DCUN1D1: variants seen among roughly 807,000 people sequenced by gnomAD.
The protein encoded by DCUN1D1 is DCN1-like protein 1.
In DCUN1D1, 3 loss-of-function variants were observed where a neutral mutation model predicts 39.0. The ratio of observed to expected loss-of-function variants is 0.08; its 90% CI spans 0.04 to 0.20. The LOEUF is 0.20. DCUN1D1 is among the 10% of genes least tolerant of loss of function. The pLI is 1.00. For synonymous variants in DCUN1D1, 82 were observed against 96.3 expected (o/e 0.85, Z 0.87); for missense variants, 158 against 302.4 (o/e 0.52, Z 3.54).
chr3:182,939,805 G>C lies in DCUN1D1; in HGVS notation c.*5289C>G, dbSNP rs932153282. ...TTACTAAAAACAATTAATTGTACAT[G>C]TACAATGGGTGAATTTTACAGTGTG... On this transcript the variant is annotated 3_prime_UTR_variant, in exon 7 of 7. Coordinates refer to ENST00000292782, the MANE Select transcript of DCUN1D1 (RefSeq NM_020640.4). 1 of 152,118 alleles carries C rather than the reference G, an allele frequency of 6.6e-6. No homozygotes were observed. The highest frequency in any genetic ancestry group is 2.4e-5 in the African/African-American group (1 of 41,426). 9.4% of individuals were successfully genotyped at this position (152,118 alleles called of 1,614,324 possible). A position where few individuals can be genotyped will look rare whatever the true frequency, so the allele number is the denominator to read the frequency against.
Position 182,945,708 on chromosome 3 carries a change from T to C in DCUN1D1, c.701-535A>G, listed in dbSNP as rs118057477. 9.0e-3 allele frequency among the ~76,000 whole-genome samples: 1,373 copies of C among 152,320 alleles called. 51 individuals carry two copies. The East Asian group carries it at 0.13, about 15-fold the overall frequency. On this transcript the variant is annotated intron_variant, in intron 6 of 6. Coordinates refer to ENST00000292782, the MANE Select transcript of DCUN1D1 (RefSeq NM_020640.4). ...AGGAGAAACAAGTTTTCAAGCATTC[T>C]GTGGCCATCTCACAAAGGAGATTAA...
chr3:182,979,600 T>C (rs1201392611), intron 1 of DCUN1D1, among the ~76,000 whole-genome samples: 22 of 137,106 alleles, frequency 1.6e-4, no homozygotes, highest in East Asian at 6.4e-4. Flanking sequence ...GAGGACTTTT[T>C]CCCCCCCCCA....
intron 1 of DCUN1D1, among the ~76,000 whole-genome samples, chr3:182,972,739 TAAC>T (rs1728006474): frequency 6.6e-6 from 1 of 151,652 alleles, no homozygotes. Flanking sequence ...CACCCAGTCT[TAAC>T]AACAACAAAA....
chr3:182,963,977 G>C lies in DCUN1D1; in HGVS notation c.293C>G (p.Ala98Gly). 1 of 1,613,974 alleles carries C rather than the reference G, an allele frequency of 6.2e-7. No individual in the cohort carries two copies. Among genetic ancestry groups the C allele is most frequent in the Non-Finnish European group, 8.5e-7 (1 of 1,179,910 alleles). The stretch of plus-strand genomic sequence containing the variant: ...CGCAATAATCAACACACTAATGCTG[G>C]CTGGATCGAGTGCCAGGTCATCACA... Reference protein sequence around the residue: ...QFCDDLALDPASISVLIIAWK... With the variant: ...QFCDDLALDPGSISVLIIAWK... Residue 98 changes from alanine to glycine, a missense_variant, in exon 3 of 7, where the codon GCC becomes GGC. Physicochemically the swap from Ala to Gly is moderately conservative, Grantham distance 60. Transcript: ENST00000292782.
rs181787458 is a variant in DCUN1D1 at position 182,958,654 on chromosome 3, A to C, written c.520+2572T>G. 1.7e-3 allele frequency among the ~76,000 whole-genome samples: 259 copies of C among 152,302 alleles called. 2 individuals are homozygous for C. Among genetic ancestry groups the C allele is most frequent in the African/African-American group, 5.9e-3 (245 of 41,580 alleles). On this transcript the variant is annotated intron_variant, in intron 4 of 6. Transcript: ENST00000292782. ...TCATCTTATGAAACAAAAACTCTAC[A>C]TCCTTTAAATATTACATTTTTTCTT...
intron 1 of DCUN1D1, among the ~76,000 whole-genome samples, chr3:182,979,403 A>T (rs552250321): frequency 6.6e-6 from 1 of 152,268 alleles, no homozygotes; most frequent in East Asian, 1.9e-4. Context: ...AGAGGCCTTT[A>T]TGTTCCCCAC....
chr3:182,983,494 T>C (rs1728625019), upstream of DCUN1D1, among the ~76,000 whole-genome samples: 1 of 152,194 alleles, frequency 6.6e-6, no homozygotes, highest in South Asian at 2.1e-4. Context: ...GGCGGGCAGA[T>C]AACTTAAGTT....
intron 1 of DCUN1D1, among the ~76,000 whole-genome samples, chr3:182,975,966 T>C (rs1161599606): frequency 6.6e-6 from 1 of 152,070 alleles, no homozygotes; most frequent in Admixed American, 6.5e-5. Context: ...TCGATAAATG[T>C]TAATTTCGTT....
chr3:182,980,965 A>G (rs1728524032), upstream of DCUN1D1: 1 of 152,046 alleles, frequency 6.6e-6, no homozygotes, highest in Non-Finnish European at 1.5e-5. Context: ...AGCTTCATCC[A>G]TCCCAGACCT....
At chr3:182,985,821 C>A (rs1203055311) in exon 1 of DCUN1D1, 1 of 152,092 alleles carries the variant, frequency 6.6e-6, no homozygotes. Flanking sequence ...GAATATTCAC[C>A]AGAGCCAGTC....
intron 2 of DCUN1D1, among the ~76,000 whole-genome samples, chr3:182,965,219 T>C (rs552793929): frequency 2.6e-5 from 4 of 152,232 alleles, no homozygotes; most frequent in Non-Finnish European, 5.9e-5. Context: ...CATTACTTTA[T>C]AATTCTTTAA....
At chr3:182,945,261 C>G in intron 6 of DCUN1D1, 88 bp from the exon 7 acceptor site, 1 of 997,548 alleles carries the variant, frequency 1.0e-6, no homozygotes, top group Non-Finnish European at 1.5e-6. Context: ...TTTTTTAAGA[C>G]TTCCTCATAA....
chr3:182,981,882 G>A (rs1728565703), upstream of DCUN1D1, among the ~76,000 whole-genome samples: 1 of 152,218 alleles, frequency 6.6e-6, no homozygotes, highest in Non-Finnish European at 1.5e-5. Context: ...AAGAATGCAT[G>A]TGAATGTGCC....
upstream of DCUN1D1, among the ~76,000 whole-genome samples, chr3:182,983,563 C>T (rs1415241199): frequency 3.9e-5 from 6 of 152,014 alleles, no homozygotes; most frequent in South Asian, 4.2e-4. Flanking sequence ...TAAAATTAAC[C>T]GGGCATGGTT....
In DCUN1D1 at chr3:182,943,114, G is replaced by GAAAAAAA. The variant is rs57297234; in HGVS notation, c.*1973_*1979dup. Reference sequence around the variant, plus strand: ...ACTTTTAAAGAAAACACTTTATATTGAAAAAAAAAAAAAAAAAAAAAAGCT... The same window carrying GAAAAAAA: ...ACTTTTAAAGAAAACACTTTATATTGAAAAAAAAAAAAAAAAAAAAAAAAAAAAAGCT... On this transcript the variant is annotated 3_prime_UTR_variant, in exon 7 of 7. Coordinates refer to ENST00000292782, the MANE Select transcript of DCUN1D1 (RefSeq NM_020640.4). 7.2e-4 allele frequency: 39 copies of GAAAAAAA among 54,342 alleles called. No homozygotes were observed. The highest frequency in any genetic ancestry group is 9.6e-3 in the Middle Eastern group (1 of 104). The allele number at this position is 54,342 out of a possible 1,614,324, so 3.4% of individuals were successfully genotyped here.
chr3:182,983,564 G>A (rs549605352), upstream of DCUN1D1, among the ~76,000 whole-genome samples: 2 of 152,142 alleles, frequency 1.3e-5, no homozygotes, highest in East Asian at 1.9e-4. Flanking sequence ...AAAATTAACC[G>A]GGCATGGTTG....
chr3:182,961,351 T>C lies in DCUN1D1; in HGVS notation c.395A>G (p.Asp132Gly). ...CTGGGCCTTTAGTTTTTCTATGCTG[T>C]CACATCTGCGTCGTAAAATTAAGTT... ...FMDGMTELGCDSIEKLKAQIP... is the reference protein window; with the variant it reads ...FMDGMTELGCGSIEKLKAQIP... The change falls in exon 4 of 7, where the codon GAC becomes GGC. Residue 132 changes from aspartate (D) to glycine (G), a missense_variant. By Grantham distance (94) the Asp-to-Gly change is moderately conservative. Coordinates refer to ENST00000292782, the MANE Select transcript of DCUN1D1 (RefSeq NM_020640.4). The C allele has an allele frequency of 6.3e-7, 1 of 1,595,194 alleles. No individual in the cohort carries two copies. Among genetic ancestry groups the C allele is most frequent in the Non-Finnish European group, 8.5e-7 (1 of 1,173,752 alleles).
intron 4 of DCUN1D1, among the ~76,000 whole-genome samples, chr3:182,953,042 T>G (rs1726837379): frequency 3.9e-5 from 6 of 152,234 alleles, no homozygotes; most frequent in Admixed American, 3.9e-4. Context: ...TTGCAGTTCC[T>G]CAAAGGTGGA....
intron 6 of DCUN1D1, 106 bp downstream of exon 6, chr3:182,947,132 C>T (rs577687326): frequency 1.2e-4 from 71 of 609,148 alleles, no homozygotes; most frequent in African/African-American, 9.1e-4. Context: ...AAAAGCTCAG[C>T]GGAGGGAATT....
Sources: gnomAD v4.1 joint callset for allele counts (sites outside exome capture counted in the v4.1 genomes callset) on GRCh38, gnomAD v4.1.1 for gene constraint, MANE v1.5 for transcripts, NCBI Gene and HGNC (gene_info 2026-07-23, HGNC 2026-07-21) for gene names.